Variants in WNT9B observed in about 807,000 individuals in gnomAD.
WNT9B encodes the protein protein Wnt-9b.
WNT9B carries 12 observed loss-of-function variants against 30.2 expected under a neutral mutation model. The ratio of observed to expected loss-of-function variants is 0.40; its 90% CI spans 0.26 to 0.64. The LOEUF is 0.64. Ranked by LOEUF, WNT9B falls within the 30% of genes least tolerant of loss-of-function variation. WNT9B has a pLI of 0.42. For missense variants in WNT9B, 442 were observed against 485.2 expected, an observed-to-expected ratio of 0.91 and a Z score of 0.84; for synonymous variants, 218 against 216.9, an observed-to-expected ratio of 1.01 and a Z score of -0.05.
intron 2 of WNT9B, 88 bp from the exon 3 acceptor site, chr17:46,875,013 C>G: frequency 6.2e-7 from 1 of 1,606,922 alleles, no homozygotes; most frequent in African/African-American, 1.3e-5. Context: ...GCCTCTGGCC[C>G]TCAGAGGGCG....
chr17:46,884,506 C>T (rs990709706), downstream of WNT9B, among the ~76,000 whole-genome samples: 10 of 152,192 alleles, frequency 6.6e-5, no homozygotes, highest in Non-Finnish European at 1.5e-4. Flanking sequence ...CTGGAATGGC[C>T]TCTGCTTTCC....
At chr17:46,844,723 A>C (rs922520135) in intron 1 of WNT9B, among the ~76,000 whole-genome samples, 1 of 152,190 alleles carries the variant, frequency 6.6e-6, no homozygotes, top group African/African-American at 2.4e-5. Flanking sequence ...TGCAGACCCA[A>C]ATCTATAGGA....
intron 2 of WNT9B, among the ~76,000 whole-genome samples, chr17:46,873,091 CACACACACA>C (rs778376196): frequency 7.9e-3 from 76 of 9,612 alleles, no homozygotes; most frequent in Non-Finnish European, 0.012. Context: ...CCTCTTCACA[CACACACACA>C]CACACACACA....
intron 1 of WNT9B, among the ~76,000 whole-genome samples, chr17:46,864,368 G>T (rs946769876): frequency 1.3e-5 from 2 of 152,084 alleles, no homozygotes; most frequent in African/African-American, 4.8e-5. Flanking sequence ...TCACATACCA[G>T]GCCCTCTCCT....
chr17:46,863,985 T>A (rs544667982), intron 1 of WNT9B, among the ~76,000 whole-genome samples: 25 of 152,264 alleles, frequency 1.6e-4, no homozygotes, highest in African/African-American at 6.0e-4. Flanking sequence ...ACAAGTGGAA[T>A]CTGCAGCATG....
chr17:46,883,692 G>A (rs899666466), downstream of WNT9B, among the ~76,000 whole-genome samples: 2 of 152,136 alleles, frequency 1.3e-5, no homozygotes, highest in African/African-American at 2.4e-5. Flanking sequence ...GCCTCTTCCC[G>A]GGGAGTGCTG....
At chr17:46,864,879 G>T (rs1467475365) in intron 1 of WNT9B, among the ~76,000 whole-genome samples, 1 of 152,170 alleles carries the variant, frequency 6.6e-6, no homozygotes, top group African/African-American at 2.4e-5. Flanking sequence ...ACAGCCTCCA[G>T]GACACCTTCC....
At chr17:46,854,112 A>G (rs1487932419) in intron 1 of WNT9B, among the ~76,000 whole-genome samples, 1 of 152,238 alleles carries the variant, frequency 6.6e-6, no homozygotes, top group African/African-American at 2.4e-5. Flanking sequence ...GGAGCAGGAC[A>G]GATGCTCAGA....
chr17:46,843,680 C>T (rs745739404), intron 1 of WNT9B, among the ~76,000 whole-genome samples: 2 of 152,144 alleles, frequency 1.3e-5, no homozygotes, highest in Non-Finnish European at 2.9e-5. Flanking sequence ...TTCTCTGTGC[C>T]CATTTCCTCA....
chr17:46,870,904 CTTT>C (rs144277402), intron 1 of WNT9B, among the ~76,000 whole-genome samples: 5 of 78,394 alleles, frequency 6.4e-5, no homozygotes, highest in Non-Finnish European at 7.1e-5. Context: ...TCCACCTTTG[CTTT>C]TTTTTTTTTT....
chr17:46,836,095 C>CACGTGTGT (rs771533837), intron 1 of WNT9B, among the ~76,000 whole-genome samples: 9 of 126,502 alleles, frequency 7.1e-5, no homozygotes, highest in African/African-American at 2.9e-4. Flanking sequence ...GAGACGCTGA[C>CACGTGTGT]GTGTGTGTGT....
At chr17:46,856,488 C>CTT (rs34179433) in intron 1 of WNT9B, among the ~76,000 whole-genome samples, 4 of 143,096 alleles carry the variant, frequency 2.8e-5, no homozygotes, top group Non-Finnish European at 4.6e-5. Flanking sequence ...CTTTTTCTTT[C>CTT]TTTTTTTTTT....
chr17:46,846,897 T>C (rs1042324224), upstream of WNT9B, among the ~76,000 whole-genome samples: 1 of 152,154 alleles, frequency 6.6e-6, no homozygotes, highest in Non-Finnish European at 1.5e-5. Flanking sequence ...ACAGGGGCCC[T>C]TCCCGCAGAA....
chr17:46,873,705 A>G (rs1036059283), intron 2 of WNT9B, among the ~76,000 whole-genome samples: 3 of 151,080 alleles, frequency 2.0e-5, no homozygotes, highest in African/African-American at 7.4e-5. Flanking sequence ...CTAAAAATAC[A>G]AAAATTTAAA....
At chr17:46,841,893 G>T (rs189206989) in intron 1 of WNT9B, among the ~76,000 whole-genome samples, 5 of 151,910 alleles carry the variant, frequency 3.3e-5, no homozygotes, top group Admixed American at 2.6e-4. Flanking sequence ...CTCCTCTGCG[G>T]TGTGTGGGGG....
At chr17:46,844,605 T>A (rs1366643648) in intron 1 of WNT9B, among the ~76,000 whole-genome samples, 1 of 152,200 alleles carries the variant, frequency 6.6e-6, no homozygotes, top group Non-Finnish European at 1.5e-5. Context: ...TAGGCACCTA[T>A]GAACTTCAAG....
chr17:46,870,655 C>T (rs961567536), intron 1 of WNT9B, among the ~76,000 whole-genome samples: 7 of 152,154 alleles, frequency 4.6e-5, no homozygotes, highest in Non-Finnish European at 7.4e-5. Context: ...CTGGCCAGGC[C>T]GCATACCCTC....
At position 46,877,426 on chromosome 17, in the gene WNT9B, C is replaced by T. The variant is rs570523666; in HGVS notation, c.*708C>T. 6.6e-6 allele frequency among the ~76,000 whole-genome samples: 1 copy of T among 152,260 alleles called. No individual in the cohort carries two copies. The highest frequency in any genetic ancestry group is 2.1e-4 in the South Asian group (1 of 4,820). On this transcript the variant is annotated 3_prime_UTR_variant, in exon 4 of 4. Transcript: ENST00000290015. The stretch of plus-strand genomic sequence containing the variant: ...TGAGGCCTCATTCTTGTCTCGAGAG[C>T]TGGGTTATGCACACTCACCCAGCCG...
At chr17:46,852,626 C>T (rs532107147) in intron 1 of WNT9B, among the ~76,000 whole-genome samples, 35 of 151,806 alleles carry the variant, frequency 2.3e-4, no homozygotes, top group Non-Finnish European at 4.1e-4. Context: ...GGGATGGGGG[C>T]GGGTATCATG....
Sources: gnomAD v4.1 joint callset for allele counts (sites outside exome capture counted in the v4.1 genomes callset) on GRCh38, gnomAD v4.1.1 for gene constraint, MANE v1.5 for transcripts, NCBI Gene and HGNC (gene_info 2026-07-23, HGNC 2026-07-21) for gene names.